The following EDRF1 variants were observed in gnomAD, a reference collection of about 807,000 sequenced individuals.
EDRF1 encodes erythroid differentiation regulatory factor 1.
EDRF1 carries 69 observed loss-of-function variants against 148.7 expected under a neutral mutation model. The ratio of observed to expected loss-of-function variants is 0.46; its 90% CI spans 0.38 to 0.57. The LOEUF (loss-of-function observed/expected upper bound fraction) is 0.57, where lower values mean the gene tolerates loss of function less well. Among genes scored for constraint, EDRF1 ranks in the 20% least tolerant of loss-of-function variants. The pLI is 0.00. For missense variants in EDRF1, 1,118 were observed against 1,478.7 expected (o/e 0.76, Z 4.00); for synonymous variants, 515 against 532.8 (o/e 0.97, Z 0.46).
At chr10:125,726,194 T>C (rs1457384869) in intron 6 of EDRF1, among the ~76,000 whole-genome samples, 1 of 152,124 alleles carries the variant, frequency 6.6e-6, no homozygotes, top group African/African-American at 2.4e-5. Context: ...ATAAATACTA[T>C]TTTAACTATA....
chr10:125,746,670 C>T (rs1849371509), intron 19 of EDRF1: 1 of 152,394 alleles, frequency 6.6e-6, no homozygotes, highest in African/African-American at 2.4e-5. Context: ...CAACCTCTGC[C>T]TCCTGGATTC....
chr10:125,749,692 T>TA, intron 22 of EDRF1, 127 bp downstream of exon 22: 1 of 1,108,068 alleles, frequency 9.0e-7, no homozygotes, highest in Non-Finnish European at 1.3e-6. Flanking sequence ...AGTTAATGAC[T>TA]TCGGGTAGAG....
At chr10:125,760,343 AAC>A (rs1248138158) in intron 24 of EDRF1, among the ~76,000 whole-genome samples, 1 of 152,240 alleles carries the variant, frequency 6.6e-6, no homozygotes, top group Non-Finnish European at 1.5e-5. Flanking sequence ...TTATAACTGT[AAC>A]AGTCATATGT....
chr10:125,748,073 T>C, intron 21 of EDRF1, 61 bp downstream of exon 21: 1 of 1,599,174 alleles, frequency 6.3e-7, no homozygotes, highest in Non-Finnish European at 8.6e-7. Context: ...TGGGTGCTTT[T>C]TGTTTTTTTA....
At chr10:125,751,214 A>G (rs969024008) in intron 22 of EDRF1, among the ~76,000 whole-genome samples, 3 of 152,150 alleles carry the variant, frequency 2.0e-5, no homozygotes, top group African/African-American at 7.2e-5. Flanking sequence ...GCTGGAAGAT[A>G]CTGGAACAAA....
intron 5 of EDRF1, 90 bp from the exon 6 acceptor site, chr10:125,725,592 A>G: frequency 1.3e-6 from 2 of 1,579,210 alleles, no homozygotes; most frequent in Non-Finnish European, 8.7e-7. Context: ...TGTATGCTTA[A>G]TTACAGATTG....
At chr10:125,726,109 AT>A (rs1445897086) in intron 6 of EDRF1, among the ~76,000 whole-genome samples, 2 of 152,082 alleles carry the variant, frequency 1.3e-5, no homozygotes, top group Admixed American at 6.5e-5. Context: ...ATTAATACTG[AT>A]TATCTCCTTC....
chr10:125,744,443 C>T (rs117239508), intron 18 of EDRF1, among the ~76,000 whole-genome samples: 2,173 of 152,260 alleles, frequency 0.014, 51 homozygotes, highest in East Asian at 0.09. Flanking sequence ...TTTGGCTTCC[C>T]AAAGTTCTGG....
At chr10:125,729,572 A>G (rs915209962) in intron 8 of EDRF1, 93 bp downstream of exon 8, 49 of 1,505,710 alleles carry the variant, frequency 3.3e-5, no homozygotes, top group Middle Eastern at 1.7e-4. Context: ...CAGTGAGCCA[A>G]GATCATGCTA....
At chr10:125,753,900 A>G in intron 24 of EDRF1, 55 bp downstream of exon 24, 5 of 1,591,372 alleles carry the variant, frequency 3.1e-6, no homozygotes, top group Non-Finnish European at 4.3e-6. Flanking sequence ...ACCTATAAAA[A>G]TTTTCTCTAC....
At position 125,745,723 on chromosome 10, in the gene EDRF1, T is replaced by C; in HGVS notation, c.2607T>C (p.Ser869=). The change falls in exon 19 of 25, where the codon TCT becomes TCC. Residue 869 remains serine (S), a synonymous_variant. Transcript: ENST00000356792. ...QSERLVSKSV[S]AAEQQLWKKS... is the part of the protein sequence containing the mutation. Reference sequence around the variant, plus strand: ...TCTGTAAAGTGAGCAAATCTGTGTCTGCTGCCGAGCAACAGTTGTGGAAAA... The same window carrying C: ...TCTGTAAAGTGAGCAAATCTGTGTCCGCTGCCGAGCAACAGTTGTGGAAAA... The C allele has an allele frequency of 6.2e-7, 1 of 1,614,244 alleles. No homozygotes were observed. The highest frequency in any genetic ancestry group is 8.5e-7 in the Non-Finnish European group (1 of 1,180,038).
chr10:125,760,071 T>G (rs1179696652), intron 24 of EDRF1, among the ~76,000 whole-genome samples: 1 of 152,188 alleles, frequency 6.6e-6, no homozygotes, highest in Non-Finnish European at 1.5e-5. Flanking sequence ...CAGCAGCGGG[T>G]GTTGATACAC....
intron 23 of EDRF1, 96 bp from the exon 24 acceptor site, chr10:125,753,598 G>C (rs898378911): frequency 4.5e-6 from 6 of 1,341,200 alleles, no homozygotes; most frequent in African/African-American, 2.9e-5. Flanking sequence ...GGTTAAAAAT[G>C]TATTGGATGA....
At chr10:125,743,388 G>A in intron 18 of EDRF1, 112 bp downstream of exon 18, 2 of 826,484 alleles carry the variant, frequency 2.4e-6, no homozygotes, top group Non-Finnish European at 4.0e-6. Flanking sequence ...ATAAAGAGGT[G>A]CTCTATTAGA....
intron 20 of EDRF1, 70 bp downstream of exon 20, chr10:125,747,764 C>T: frequency 1.9e-6 from 3 of 1,610,154 alleles, no homozygotes; most frequent in Middle Eastern, 1.7e-4. Flanking sequence ...TATTTAGCGT[C>T]TGTTGTCTTT....
Position 125,749,439 on chromosome 10 carries a change from C to A in EDRF1, c.3151C>A (p.His1051Asn). Residue 1051 changes from histidine (H) to asparagine (N), a missense_variant, in exon 22 of 25, where the codon CAC (histidine) becomes AAC (asparagine). This residue lies in a region of EDRF1 where 954 missense variants were observed against 1,241.4 expected (regional missense o/e 0.77). Transcript: ENST00000356792. ...TGGTGATGAACACCTTAGGAAACAA[C>A]ACCGGGTGCTGGCAGATCTTCATTA... ...QVGDEHLRKQ[H>N]RVLADLHYSK... is the part of the protein sequence containing the mutation. 1 of 1,614,170 alleles carries A rather than the reference C, an allele frequency of 6.2e-7. No homozygotes were observed. Among genetic ancestry groups the A allele is most frequent in the Non-Finnish European group, 8.5e-7 (1 of 1,180,032 alleles).
intron 18 of EDRF1, among the ~76,000 whole-genome samples, chr10:125,743,815 A>G (rs1849166408): frequency 6.6e-6 from 1 of 152,174 alleles, no homozygotes; most frequent in East Asian, 1.9e-4. Context: ...GGAAGAAGCC[A>G]GGGATCTCAA....
In EDRF1 at chr10:125,748,011, A is replaced by T; in HGVS notation, c.3122A>T (p.Gln1041Leu). 1 of 1,614,188 alleles carries T rather than the reference A, an allele frequency of 6.2e-7. No individual in the cohort carries two copies. The highest frequency in any genetic ancestry group is 8.5e-7 in the Non-Finnish European group (1 of 1,180,010). ...ATGTACCACAGCTGTCTGAGGAATC[A>T]GGTATTGTCAGTCCAAGTTAAGTAC... is the stretch of plus-strand genomic sequence containing the variant. The part of the protein sequence containing the change: ...ASMYHSCLRN[Q>L]VGDEHLRKQH... The change falls in exon 21 of 25, where the codon CAG becomes CTG. Residue 1041 changes from glutamine (Q) to leucine (L), a missense_variant and splice_region_variant. Gln to Leu is a moderately radical substitution (Grantham distance 113, BLOSUM62 -2). Around this residue, in one of 3 missense-constraint regions of EDRF1, gnomAD observed 954 missense variants for 1,241.4 expected, o/e 0.77. Coordinates refer to ENST00000356792, the MANE Select transcript of EDRF1 (RefSeq NM_001202438.2).
intron 22 of EDRF1, among the ~76,000 whole-genome samples, chr10:125,752,500 C>G (rs536165128): frequency 1.2e-4 from 19 of 152,216 alleles, no homozygotes; most frequent in African/African-American, 4.6e-4. Context: ...AGGTGGGCCT[C>G]GAGCCCCAGA....
Sources: gnomAD v4.1 joint callset for allele counts (sites outside exome capture counted in the v4.1 genomes callset) on GRCh38, gnomAD v4.1.1 for gene constraint, gnomAD v4.1.1 regional missense constraint, MANE v1.5 for transcripts, NCBI Gene and HGNC (gene_info 2026-07-23, HGNC 2026-07-21) for gene names.